Variants in SHLD2 observed in about 807,000 individuals in gnomAD.
SHLD2 encodes the protein shieldin complex subunit 2.
In SHLD2, 30 loss-of-function variants were observed where a neutral mutation model predicts 73.2. The ratio of observed to expected loss-of-function variants is 0.41; its 90% CI spans 0.31 to 0.56. The LOEUF is 0.56. Ranked by LOEUF, SHLD2 falls within the 20% of genes least tolerant of loss-of-function variation. The pLI, the probability that SHLD2 is intolerant of heterozygous loss-of-function variation, is 0.28. For synonymous variants in SHLD2, 285 were observed against 370.1 expected (o/e 0.77, Z 2.64); for missense variants, 745 against 1,055.9 (o/e 0.71, Z 4.08).
At position 87,151,597 on chromosome 10, in the gene SHLD2, T is replaced by C; in HGVS notation, c.243T>C (p.Cys81=). 1 of 1,611,728 alleles carries C rather than the reference T, an allele frequency of 6.2e-7. No individual in the cohort carries two copies. Among genetic ancestry groups the C allele is most frequent in the South Asian group, 1.1e-5 (1 of 90,966 alleles). Residue 81 remains cysteine (C), a synonymous_variant, in exon 3 of 10, where the codon TGT becomes TGC. Transcript: ENST00000298786. ...TTAGTGGTCATTTCTTAGCAAACTG[T>C]ATGAATAGACATGTTCATGTGAAAG... ...PDLSGHFLAN[C]MNRHVHVKDD...
chr10:87,190,340 T>G, intron 9 of SHLD2, 144 bp from the exon 10 acceptor site: 1 of 740,286 alleles, frequency 1.4e-6, no homozygotes, highest in Non-Finnish European at 2.4e-6. Context: ...ATTACAGGTG[T>G]GAGCCACCGC....
At chr10:87,116,770 T>C (rs997454409) in intron 2 of SHLD2, among the ~76,000 whole-genome samples, 16 of 152,086 alleles carry the variant, frequency 1.1e-4, no homozygotes, top group African/African-American at 3.6e-4. Flanking sequence ...ATCTCCTCCT[T>C]CTCTCAGGGC....
intron 2 of SHLD2, among the ~76,000 whole-genome samples, chr10:87,121,762 C>CTTTTT (rs571649405): frequency 9.2e-5 from 12 of 130,954 alleles, no homozygotes; most frequent in Non-Finnish European, 1.1e-4. Context: ...TTCTTTCTTT[C>CTTTTT]TTTTTTTTTT....
chr10:87,141,136 G>C (rs945746391), intron 2 of SHLD2, among the ~76,000 whole-genome samples: 1 of 151,930 alleles, frequency 6.6e-6, no homozygotes, highest in Non-Finnish European at 1.5e-5. Context: ...ATTTAAAAAG[G>C]GGGGCATGGT....
intron 2 of SHLD2, among the ~76,000 whole-genome samples, chr10:87,144,115 G>A (rs948993822): frequency 7.2e-5 from 11 of 151,890 alleles, no homozygotes; most frequent in African/African-American, 1.2e-4. Flanking sequence ...TGCCCACTTC[G>A]GCCTCCCAAA....
chr10:87,178,448 C>T (rs1259831849), intron 7 of SHLD2, among the ~76,000 whole-genome samples: 1 of 151,584 alleles, frequency 6.6e-6, no homozygotes, highest in Non-Finnish European at 1.5e-5. Flanking sequence ...GACACATTGG[C>T]TCAAGCCTGT....
chr10:87,105,191 T>C (rs778570645), intron 2 of SHLD2, among the ~76,000 whole-genome samples: 1 of 152,198 alleles, frequency 6.6e-6, no homozygotes, highest in African/African-American at 2.4e-5. Flanking sequence ...TTTAGATCAA[T>C]TGTAATTTCG....
At chr10:87,139,499 T>C (rs1425889044) in intron 2 of SHLD2, among the ~76,000 whole-genome samples, 1 of 152,024 alleles carries the variant, frequency 6.6e-6, no homozygotes, top group African/African-American at 2.4e-5. Flanking sequence ...TTAGAAATAA[T>C]TCTGATGATT....
chr10:87,173,058 G>A (rs1448545369), intron 6 of SHLD2, among the ~76,000 whole-genome samples: 1 of 142,454 alleles, frequency 7.0e-6, no homozygotes, highest in African/African-American at 2.6e-5. Context: ...TTTTTTTTGA[G>A]ACAGAGTTTC....
At chr10:87,146,592 C>T (rs542094789) in intron 2 of SHLD2, among the ~76,000 whole-genome samples, 2 of 147,392 alleles carry the variant, frequency 1.4e-5, no homozygotes, top group Admixed American at 6.8e-5. Context: ...CCGCGCCCAG[C>T]CTGCGATTTT....
chr10:87,156,594 TGA>T (rs1221520673), intron 3 of SHLD2, among the ~76,000 whole-genome samples: 1 of 152,082 alleles, frequency 6.6e-6, no homozygotes, highest in Non-Finnish European at 1.5e-5. Context: ...GGCATGTCAG[TGA>T]GAGGGTAGGA....
chr10:87,098,530 A>AC lies in SHLD2; in HGVS notation c.-6+1542dup, dbSNP rs1842058123. 4.0e-5 allele frequency among the ~76,000 whole-genome samples: 6 copies of AC among 151,718 alleles called. No individual in the cohort carries two copies. In the South Asian group the frequency reaches 1.2e-3, roughly 32 times the overall value. On this transcript the variant is annotated intron_variant, in intron 2 of 9. Coordinates refer to ENST00000298786, the MANE Select transcript of SHLD2 (RefSeq NM_001330112.2). Reference sequence around the variant, plus strand: ...CTCCATCTCAAAAAAAAAAAAAAAAACAGGGAGTGAGGCCCACAGAAACCA... The same window carrying AC: ...CTCCATCTCAAAAAAAAAAAAAAAAACCAGGGAGTGAGGCCCACAGAAACCA...
intron 2 of SHLD2, among the ~76,000 whole-genome samples, chr10:87,135,850 A>C (rs965274872): frequency 3.4e-4 from 51 of 152,048 alleles, no homozygotes; most frequent in African/African-American, 1.0e-3. Context: ...CAATATGACT[A>C]ATCGGTGTTG....
intron 2 of SHLD2, among the ~76,000 whole-genome samples, chr10:87,141,684 G>A (rs1194605687): frequency 6.6e-6 from 1 of 152,052 alleles, no homozygotes; most frequent in East Asian, 1.9e-4. Flanking sequence ...AGGAGGTGAT[G>A]GATACACTAA....
At chr10:87,181,446 G>T (rs1848309145) in intron 8 of SHLD2, among the ~76,000 whole-genome samples, 1 of 152,102 alleles carries the variant, frequency 6.6e-6, no homozygotes, top group Non-Finnish European at 1.5e-5. Context: ...AATAGTTAAG[G>T]CCCCTCAAAA....
intron 3 of SHLD2, chr10:87,154,113 C>G (rs1046433163): frequency 6.6e-6 from 1 of 152,334 alleles, no homozygotes; most frequent in Non-Finnish European, 1.5e-5. Context: ...CTGCCGCAGC[C>G]TCCCGAAGTG....
chr10:87,096,931 C>G lies in SHLD2; in HGVS notation c.-61-3C>G, dbSNP rs1841940144. 1 of 152,104 alleles carries G rather than the reference C, an allele frequency of 6.6e-6. No individual in the cohort carries two copies. The allele number at this position is 152,104 out of a possible 1,614,324, so 9.4% of individuals were successfully genotyped here. A position where few individuals can be genotyped will look rare whatever the true frequency, so the allele number is the denominator to read the frequency against. ...TTAATTGTATTTGCACTGTGTTTTT[C>G]AGTGAAAAATGTACTCTGACCTGAA... On this transcript the variant is annotated splice_polypyrimidine_tract_variant and splice_region_variant and intron_variant, in intron 1 of 9. Coordinates refer to ENST00000298786, the MANE Select transcript of SHLD2 (RefSeq NM_001330112.2).
chr10:87,165,182 G>A (rs1395033949), intron 4 of SHLD2, among the ~76,000 whole-genome samples: 6 of 106,010 alleles, frequency 5.7e-5, no homozygotes, highest in Non-Finnish European at 8.3e-5. Flanking sequence ...GTGAGACTCT[G>A]TCTCAAGGAA....
At chr10:87,159,915 C>G (rs1846686935) in intron 4 of SHLD2, among the ~76,000 whole-genome samples, 1 of 152,070 alleles carries the variant, frequency 6.6e-6, no homozygotes, top group African/African-American at 2.4e-5. Context: ...GTTCAGGACT[C>G]AGAAGACAGG....
Sources: allele counts gnomAD v4.1 joint callset (sites outside exome capture counted in the v4.1 genomes callset), GRCh38; gene constraint gnomAD v4.1.1; transcripts MANE v1.5; gene names NCBI Gene and HGNC (gene_info 2026-07-23, HGNC 2026-07-21).